The following BTNL8 variants were observed in gnomAD, a reference collection of about 807,000 sequenced individuals.
The protein encoded by BTNL8 is butyrophilin-like protein 8.
Under a neutral mutation model 36.1 loss-of-function variants are expected in BTNL8, and 22 were observed. The observed-to-expected ratio is 0.61, with a 90% confidence interval of 0.44 to 0.87. The LOEUF is 0.87. BTNL8 is among the 40% of genes least tolerant of loss of function. The probability of loss-of-function intolerance (pLI) is 0.00; values close to 1 mark genes in which losing one functional copy is unlikely to be tolerated. For synonymous variants in BTNL8, 203 were observed against 235.6 expected (o/e 0.86, Z 1.27); for missense variants, 526 against 616.9 (o/e 0.85, Z 1.56).
Position 180,911,358 on chromosome 5 carries a change from C to T in BTNL8, c.417C>T (p.Leu139=). The change falls in exon 3 of 8, where the codon CTC becomes CTT. Residue 139 remains leucine (L), a synonymous_variant. Coordinates refer to ENST00000340184, the MANE Select transcript of BTNL8 (RefSeq NM_001040462.3). ...CCCCAGCACTGGGCTCAGTTCCTCT[C>T]ATTTCCATCACGGGATATGTTGATA... is the stretch of plus-strand genomic sequence containing the variant. ...LQVSALGSVP[L]ISITGYVDRD... 2 of 1,614,186 alleles carry T rather than the reference C, an allele frequency of 1.2e-6. No homozygotes were observed. Among genetic ancestry groups the T allele is most frequent in the Non-Finnish European group, 1.7e-6 (2 of 1,180,020 alleles).
Position 180,908,648 on chromosome 5 carries a change from T to C in BTNL8, c.112T>C (p.Phe38Leu), listed in dbSNP as rs1459252344. The change falls in exon 2 of 8, where the codon TTC becomes CTC. Residue 38 changes from phenylalanine (F) to leucine (L), a missense_variant. Transcript: ENST00000340184. ...GGCCTTGGTGGGGGAGGACGCAGCA[T>C]TCTCCTGTTTCCTGTCTCCTAAGAC... ...VQALVGEDAA[F>L]SCFLSPKTNA... 18 of 1,614,094 alleles carry C rather than the reference T, an allele frequency of 1.1e-5. No individual in the cohort carries two copies. Among genetic ancestry groups the C allele is most frequent in the Non-Finnish European group, 1.4e-5 (17 of 1,180,044 alleles).
chr5:180,928,002 T>C (rs991673567), intron 3 of BTNL8, among the ~76,000 whole-genome samples: 1 of 151,960 alleles, frequency 6.6e-6, no homozygotes, highest in African/African-American at 2.4e-5. Flanking sequence ...AGATACTCCT[T>C]GAGAAGAGCA....
At chr5:180,902,174 TGGG>T (rs1188097608) in intron 1 of BTNL8, among the ~76,000 whole-genome samples, 25 of 128,662 alleles carry the variant, frequency 1.9e-4, no homozygotes, top group African/African-American at 9.0e-4. Flanking sequence ...ACGATGGAAA[TGGG>T]GATGTTTGGG....
chr5:180,940,172 C>T (rs925700282), intron 3 of BTNL8, among the ~76,000 whole-genome samples: 2 of 151,926 alleles, frequency 1.3e-5, no homozygotes, highest in Non-Finnish European at 2.9e-5. Context: ...TGGTGAAGCA[C>T]CATCTCTACT....
At chr5:180,908,978 T>C (rs1757254659) in intron 2 of BTNL8, 45 bp downstream of exon 2, 2 of 1,536,412 alleles carry the variant, frequency 1.3e-6, no homozygotes, top group African/African-American at 2.8e-5. Context: ...AGAACCATCC[T>C]GGACTTTATA....
At chr5:180,901,405 T>C (rs1481514391) in intron 1 of BTNL8, among the ~76,000 whole-genome samples, 2 of 152,158 alleles carry the variant, frequency 1.3e-5, no homozygotes, top group South Asian at 2.1e-4. Flanking sequence ...TGGGCCTCCA[T>C]AGTCTGTGGT....
chr5:180,938,629 C>A lies in BTNL8; in HGVS notation c.674-8883C>A, dbSNP rs867778072. On this transcript the variant is annotated intron_variant, in intron 3 of 7. Coordinates refer to ENST00000340184, the MANE Select transcript of BTNL8 (RefSeq NM_001040462.3). ...TTCGGCTCACTGCAGCCTCTGACTC[C>A]CTAGTTCAAGTGATTATCCTGCCTT... 2.6e-5 allele frequency among the ~76,000 whole-genome samples: 4 copies of A among 151,846 alleles called. No individual in the cohort carries two copies. The Middle Eastern group carries it at 0.014, about 516-fold the overall frequency.
chr5:180,902,458 C>G (rs7712020), intron 1 of BTNL8: 369,077 of 1,495,334 alleles, frequency 0.25, 47,921 homozygotes, highest in African/African-American at 0.27. Context: ...GAATGTTTCC[C>G]CCTGATGCAC....
chr5:180,926,719 T>A (rs1434290370), intron 3 of BTNL8, among the ~76,000 whole-genome samples: 2 of 152,164 alleles, frequency 1.3e-5, no homozygotes, highest in African/African-American at 4.8e-5. Context: ...GTTCAAACTC[T>A]ATGGAGCCTA....
intron 1 of BTNL8, chr5:180,902,310 T>C: frequency 6.5e-7 from 1 of 1,528,996 alleles, no homozygotes; most frequent in South Asian, 1.2e-5. Flanking sequence ...TTTCTCATCT[T>C]AAAAATAAAA....
chr5:180,945,838 T>C (rs558703222), intron 3 of BTNL8: 6 of 496,872 alleles, frequency 1.2e-5, no homozygotes, highest in Non-Finnish European at 8.1e-6. Context: ...TCCGGAAATA[T>C]GGCCTCAATA....
chr5:180,927,962 C>G (rs1758181627), intron 3 of BTNL8, among the ~76,000 whole-genome samples: 1 of 152,102 alleles, frequency 6.6e-6, no homozygotes, highest in African/African-American at 2.4e-5. Context: ...GGCCAACATT[C>G]AAATTCAGGA....
At chr5:180,948,532 A>G (rs1759387920) in intron 5 of BTNL8, 157 bp downstream of exon 5, 4 of 1,601,396 alleles carry the variant, frequency 2.5e-6, no homozygotes, top group African/African-American at 1.4e-5. Flanking sequence ...TCCACTGCTC[A>G]TGAGTTACCC....
intron 3 of BTNL8, among the ~76,000 whole-genome samples, chr5:180,927,353 T>C (rs1758153751): frequency 6.6e-6 from 1 of 152,134 alleles, no homozygotes. Flanking sequence ...CAAAGGTAGA[T>C]AAATCCATGA....
At chr5:180,899,704 G>A (rs1756740310) in intron 1 of BTNL8, among the ~76,000 whole-genome samples, 1 of 152,158 alleles carries the variant, frequency 6.6e-6, no homozygotes, top group African/African-American at 2.4e-5. Context: ...GACACAGTTA[G>A]GATTTTTGGG....
intron 1 of BTNL8, among the ~76,000 whole-genome samples, chr5:180,899,856 T>C (rs947466100): frequency 6.6e-6 from 1 of 152,224 alleles, no homozygotes; most frequent in Non-Finnish European, 1.5e-5. Flanking sequence ...TCCACTCTTC[T>C]TTCTCCTTCC....
chr5:180,947,918 TA>T lies in BTNL8; in HGVS notation c.787+294del, dbSNP rs912650103. 1.6e-4 allele frequency: 168 copies of T among 1,034,012 alleles called. No homozygotes were observed. In the African/African-American group the frequency reaches 2.5e-3, roughly 16 times the overall value. 64.1% of individuals were successfully genotyped at this position (1,034,012 alleles called of 1,614,324 possible). Reference sequence around the variant, plus strand: ...TTTCCATGAACACCACCAAGACTCCTATTAAAAAGTTTTAATGTGGTGAACA... The same window carrying T: ...TTTCCATGAACACCACCAAGACTCCTTTAAAAAGTTTTAATGTGGTGAACA... On this transcript the variant is annotated intron_variant, in intron 4 of 7. Coordinates refer to ENST00000340184, the MANE Select transcript of BTNL8 (RefSeq NM_001040462.3).
intron 3 of BTNL8, among the ~76,000 whole-genome samples, chr5:180,942,892 AT>A (rs1413730354): frequency 6.6e-6 from 1 of 152,084 alleles, no homozygotes. Context: ...ATTTTTTTTT[AT>A]GTGATTTCAA....
intron 3 of BTNL8, among the ~76,000 whole-genome samples, chr5:180,941,083 T>C (rs1365523361): frequency 4.0e-5 from 3 of 74,682 alleles, no homozygotes; most frequent in African/African-American, 6.7e-5. Context: ...AAGAAAGAGG[T>C]GGAAGGGAGG....
Sources: allele counts gnomAD v4.1 joint callset (sites outside exome capture counted in the v4.1 genomes callset), GRCh38; gene constraint gnomAD v4.1.1; transcripts MANE v1.5; gene names NCBI Gene and HGNC (gene_info 2026-07-23, HGNC 2026-07-21).